The following DCAF8L2 variants were observed in gnomAD, a reference collection of about 807,000 sequenced individuals.
DCAF8L2 encodes the protein DDB1 and CUL4 associated factor 8 like 2.
For synonymous variants in DCAF8L2, 200 were observed against 190.9 expected, an observed-to-expected ratio of 1.05 and a Z score of -0.39; for missense variants, 430 against 490.7, an observed-to-expected ratio of 0.88 and a Z score of 1.17.
intron 2 of DCAF8L2, among the ~76,000 whole-genome samples, chrX:27,659,580 T>G (rs1261351140): frequency 8.9e-6 from 1 of 111,738 alleles, no homozygotes; most frequent in African/African-American, 3.3e-5. Context: ...AGACCCTCTG[T>G]TTTTTCACTT....
At chrX:27,715,785 AT>A (rs1437585215) in intron 3 of DCAF8L2, among the ~76,000 whole-genome samples, 1 of 111,971 alleles carries the variant, frequency 8.9e-6, no homozygotes, top group East Asian at 2.8e-4. Flanking sequence ...CTCCCAGGTC[AT>A]TTCTGCCTCA....
chrX:27,699,979 G>A (rs1427048855), intron 3 of DCAF8L2, among the ~76,000 whole-genome samples: 6 of 111,431 alleles, frequency 5.4e-5, no homozygotes, highest in Non-Finnish European at 1.1e-4. Flanking sequence ...ACATCGAGAT[G>A]AGCTATGATT....
chrX:27,705,720 T>C (rs1213215040), intron 3 of DCAF8L2, among the ~76,000 whole-genome samples: 1 of 112,170 alleles, frequency 8.9e-6, no homozygotes, highest in Non-Finnish European at 1.9e-5. Context: ...GCAAATATTT[T>C]CTCCCATTCT....
At chrX:27,488,834 G>GT in the DCAF8L2 span, among the ~76,000 whole-genome samples, 2 of 105,940 alleles carry the variant, frequency 1.9e-5, no homozygotes, top group Admixed American at 2.0e-4. Flanking sequence ...TTTTTTTTTT[G>GT]TTTTTTGTTT....
the DCAF8L2 span, among the ~76,000 whole-genome samples, chrX:27,562,475 T>A: frequency 8.9e-6 from 1 of 112,530 alleles, no homozygotes; most frequent in South Asian, 3.6e-4. Context: ...ATTGCCTGCT[T>A]TCTCAGATCA....
At chrX:27,512,559 C>T in the DCAF8L2 span, among the ~76,000 whole-genome samples, 1 of 105,451 alleles carries the variant, frequency 9.5e-6, no homozygotes, top group African/African-American at 3.5e-5. Context: ...TGGTGGGCAC[C>T]TGCGATTCCA....
intron 4 of DCAF8L2, among the ~76,000 whole-genome samples, chrX:27,737,354 G>T (rs1045752462): frequency 8.1e-5 from 9 of 111,399 alleles, no homozygotes; most frequent in African/African-American, 2.3e-4. Flanking sequence ...AATATGTCAT[G>T]CTCTCTCCTC....
chrX:27,472,321 A>G, the DCAF8L2 span, among the ~76,000 whole-genome samples: 1 of 111,827 alleles, frequency 8.9e-6, no homozygotes, highest in Non-Finnish European at 1.9e-5. Flanking sequence ...ATTAGATATA[A>G]AGTGCTTCTA....
At chrX:27,519,805 A>G in the DCAF8L2 span, 17 of 460,878 alleles carry the variant, frequency 3.7e-5, no homozygotes, top group South Asian at 6.0e-4. Context: ...AAGGTTAAAT[A>G]CGAACAATTA....
chrX:27,533,162 G>GAA, the DCAF8L2 span, among the ~76,000 whole-genome samples: 30 of 16,297 alleles, frequency 1.8e-3, no homozygotes, highest in African/African-American at 4.3e-3. Context: ...GAGAGAGAGA[G>GAA]AGAGAAAGAA....
chrX:27,517,507 AAAAG>A, the DCAF8L2 span, among the ~76,000 whole-genome samples: 1 of 111,151 alleles, frequency 9.0e-6, no homozygotes, highest in South Asian at 3.8e-4. Context: ...GAAAAAAAAA[AAAAG>A]AAAAGAAAGA....
At chrX:27,502,335 A>AAAAAAAAAAAAT in the DCAF8L2 span, among the ~76,000 whole-genome samples, 4 of 12,714 alleles carry the variant, frequency 3.1e-4, no homozygotes, top group Non-Finnish European at 6.0e-4. Context: ...AAAAAAAAAA[A>AAAAAAAAAAAAT]ATATATATAT....
At chrX:27,630,643 A>G (rs1428162600) in intron 1 of DCAF8L2, among the ~76,000 whole-genome samples, 1 of 112,468 alleles carries the variant, frequency 8.9e-6, no homozygotes, top group African/African-American at 3.2e-5. Flanking sequence ...ACAAAATTCA[A>G]TAGTACATTA....
chrX:27,749,534 G>A lies in DCAF8L2; in HGVS notation c.*743G>A, dbSNP rs1489490785. ...TAATTTTGAAAAATTTGAGTACACT[G>A]TAGCTGGTAAGAACTAAATTAAATT... On this transcript the variant is annotated 3_prime_UTR_variant, in exon 5 of 5. Coordinates refer to ENST00000451261, the MANE Select transcript of DCAF8L2 (RefSeq NM_001353450.2). Among the ~76,000 whole-genome samples, 1 of 111,992 alleles carries A rather than the reference G, an allele frequency of 8.9e-6. No individual in the cohort carries two copies. The highest frequency in any genetic ancestry group is 1.9e-5 in the Non-Finnish European group (1 of 53,187).
At chrX:27,502,335 A>AAAAAAAAAAT in the DCAF8L2 span, among the ~76,000 whole-genome samples, 1 of 12,718 alleles carries the variant, frequency 7.9e-5, no homozygotes, top group Non-Finnish European at 1.5e-4. Flanking sequence ...AAAAAAAAAA[A>AAAAAAAAAAT]ATATATATAT....
At chrX:27,568,819 C>T in the DCAF8L2 span, among the ~76,000 whole-genome samples, 2 of 107,608 alleles carry the variant, frequency 1.9e-5, no homozygotes, top group Admixed American at 2.0e-4. Context: ...TATCCCTCCC[C>T]GCTCCCCCCA....
the DCAF8L2 span, among the ~76,000 whole-genome samples, chrX:27,496,914 G>A: frequency 8.9e-6 from 1 of 112,196 alleles, no homozygotes; most frequent in Admixed American, 9.5e-5. Context: ...ACTTGGATAC[G>A]TATCTAAAGA....
At chrX:27,641,723 C>T (rs1235471709) in intron 2 of DCAF8L2, among the ~76,000 whole-genome samples, 1 of 110,184 alleles carries the variant, frequency 9.1e-6, no homozygotes, top group Admixed American at 9.7e-5. Flanking sequence ...CCACCCACCT[C>T]GGCCTCCCAA....
At chrX:27,665,160 C>A (rs913818618) in intron 2 of DCAF8L2, among the ~76,000 whole-genome samples, 2 of 109,868 alleles carry the variant, frequency 1.8e-5, no homozygotes, top group Non-Finnish European at 3.8e-5. Context: ...GGAAAGGATT[C>A]GCCATTCTAG....
Sources: allele counts gnomAD v4.1 joint callset (sites outside exome capture counted in the v4.1 genomes callset), GRCh38; gene constraint gnomAD v4.1.1; transcripts MANE v1.5; gene names NCBI Gene and HGNC (gene_info 2026-07-23, HGNC 2026-07-21).